The following CPED1 variants were observed in gnomAD, a reference collection of about 807,000 sequenced individuals.
The protein encoded by CPED1 is cadherin-like and PC-esterase domain-containing protein 1.
Under a neutral mutation model 128.2 loss-of-function variants are expected in CPED1, and 114 were observed. The ratio of observed to expected loss-of-function variants is 0.89; its 90% CI spans 0.76 to 1.04. The LOEUF is 1.04. Ranked by LOEUF, CPED1 falls within the 50% of genes least tolerant of loss-of-function variation. CPED1 has a pLI of 0.00. For missense variants in CPED1, 1,211 were observed against 1,207.1 expected (o/e 1.00, Z -0.05); for synonymous variants, 462 against 426.7 (o/e 1.08, Z -1.02).
chr7:121,161,034 A>G (rs1463471838), intron 16 of CPED1, among the ~76,000 whole-genome samples: 4 of 152,108 alleles, frequency 2.6e-5, no homozygotes, highest in Non-Finnish European at 5.9e-5. Context: ...TTATGAGGGA[A>G]CGGACCCCAT....
chr7:121,201,348 C>T (rs1290133106), intron 16 of CPED1, among the ~76,000 whole-genome samples: 1 of 151,972 alleles, frequency 6.6e-6, no homozygotes, highest in African/African-American at 2.4e-5. Context: ...AGGAGAATTG[C>T]TTGGACCTAG....
At chr7:121,184,267 T>C (rs149368400) in intron 16 of CPED1, among the ~76,000 whole-genome samples, 1 of 152,302 alleles carries the variant, frequency 6.6e-6, no homozygotes, top group East Asian at 1.9e-4. Flanking sequence ...TTTAAGTGAT[T>C]CCTCTAATAA....
intron 16 of CPED1, among the ~76,000 whole-genome samples, chr7:121,174,923 T>C (rs1221510678): frequency 2.0e-5 from 3 of 152,090 alleles, no homozygotes; most frequent in Non-Finnish European, 4.4e-5. Flanking sequence ...GTGATTCTCA[T>C]TGTAGAGATC....
Position 121,128,455 on chromosome 7 carries a change from AGGAACTT to A in CPED1, c.1381_1387del (p.Leu461ValfsTer19), listed in dbSNP as rs1795563370. On this transcript the variant is annotated frameshift_variant, in exon 11 of 23. Coordinates refer to ENST00000310396, the MANE Select transcript of CPED1 (RefSeq NM_024913.5). LOFTEE classifies it high-confidence loss of function. Reference sequence around the variant, plus strand: ...ATTAACTCAATTATGACTTTCATAAAGGAACTTGGAAGTCTGGGACAATTCCAACTGG... The same window carrying A: ...ATTAACTCAATTATGACTTTCATAAAGGAAGTCTGGGACAATTCCAACTGG... 1.9e-6 allele frequency: 3 copies of A among 1,597,316 alleles called. No homozygotes were observed. The highest frequency in any genetic ancestry group is 1.7e-6 in the Non-Finnish European group (2 of 1,165,004).
intron 16 of CPED1, among the ~76,000 whole-genome samples, chr7:121,174,753 C>T (rs544839439): frequency 6.6e-6 from 1 of 151,954 alleles, no homozygotes; most frequent in Non-Finnish European, 1.5e-5. Context: ...TTTTCTAGTT[C>T]TATGAAGAAT....
At chr7:121,113,577 A>G (rs926252377) in intron 7 of CPED1, among the ~76,000 whole-genome samples, 1 of 152,210 alleles carries the variant, frequency 6.6e-6, no homozygotes, top group African/African-American at 2.4e-5. Flanking sequence ...TTGGAACTAT[A>G]AACTGCCTTA....
chr7:121,206,251 A>G (rs1469667813), intron 16 of CPED1, among the ~76,000 whole-genome samples: 2 of 152,078 alleles, frequency 1.3e-5, no homozygotes, highest in African/African-American at 4.8e-5. Flanking sequence ...TGGGTAATTA[A>G]GAAACTTTGA....
chr7:121,238,694 C>T (rs985955540), intron 17 of CPED1, among the ~76,000 whole-genome samples: 1 of 150,866 alleles, frequency 6.6e-6, no homozygotes, highest in Admixed American at 6.6e-5. Flanking sequence ...TTATATTTTA[C>T]CTGATCATTT....
chr7:121,290,514 T>C (rs1792677087), intron 22 of CPED1, among the ~76,000 whole-genome samples: 1 of 152,218 alleles, frequency 6.6e-6, no homozygotes. Context: ...TGGCATGAGA[T>C]GGTATCTCAT....
intron 22 of CPED1, among the ~76,000 whole-genome samples, chr7:121,294,806 C>CAAAA (rs752742828): frequency 1.6e-5 from 1 of 61,418 alleles, no homozygotes; most frequent in South Asian, 5.5e-4. Context: ...GCCTTCTAAG[C>CAAAA]AAAAAAAAAA....
Position 120,989,448 on chromosome 7 carries a change from C to T in CPED1, c.-174C>T, listed in dbSNP as rs1361224750. 5.6e-6 allele frequency: 4 copies of T among 711,848 alleles called. No individual in the cohort carries two copies. The highest frequency in any genetic ancestry group is 9.1e-6 in the Non-Finnish European group (4 of 437,196). The allele number at this position is 711,848 out of a possible 1,614,324, so 44.1% of individuals were successfully genotyped here. ...GCTCTTATTAAAAGCCTCAGACTTT[C>T]GGGACCTATGATTCTTTGGCACAAC... On this transcript the variant is annotated 5_prime_UTR_variant, in exon 2 of 23. Transcript: ENST00000310396.
intron 16 of CPED1, among the ~76,000 whole-genome samples, chr7:121,173,656 A>G (rs1438130360): frequency 6.6e-6 from 1 of 152,100 alleles, no homozygotes; most frequent in African/African-American, 2.4e-5. Context: ...AGTGGACTCC[A>G]TGTCATTGCT....
chr7:121,288,102 G>C (rs929052534), intron 22 of CPED1, among the ~76,000 whole-genome samples: 2 of 152,044 alleles, frequency 1.3e-5, no homozygotes, highest in African/African-American at 4.8e-5. Flanking sequence ...GAAATAAATT[G>C]TATGGGCTAG....
Position 121,271,424 on chromosome 7 carries a change from C to G in CPED1, c.2862C>G (p.Phe954Leu). ...TACAGGGGAAGTGTGGATGTCATTTCCATGAGGTATTTATGCTGGCTATCT... is the reference window on the plus strand; with the variant it reads ...TACAGGGGAAGTGTGGATGTCATTTGCATGAGGTATTTATGCTGGCTATCT... Reference protein sequence around the residue: ...EFLQGKCGCHFHEVVKSKLSK... With the variant: ...EFLQGKCGCHLHEVVKSKLSK... Residue 954 changes from phenylalanine (F) to leucine (L), a missense_variant, in exon 22 of 23, where the codon TTC becomes TTG. By Grantham distance (22) the Phe-to-Leu change is conservative. Transcript: ENST00000310396. 6.2e-7 allele frequency: 1 copy of G among 1,612,026 alleles called. No individual in the cohort carries two copies. Among genetic ancestry groups the G allele is most frequent in the Non-Finnish European group, 8.5e-7 (1 of 1,178,818 alleles).
At chr7:121,281,397 G>C (rs2116772656) in intron 22 of CPED1, among the ~76,000 whole-genome samples, 1 of 152,188 alleles carries the variant, frequency 6.6e-6, no homozygotes, top group East Asian at 1.9e-4. Flanking sequence ...ACAATTTTTT[G>C]TTCGTTTGGG....
At chr7:121,166,241 C>T (rs1178407035) in intron 16 of CPED1, among the ~76,000 whole-genome samples, 1 of 152,078 alleles carries the variant, frequency 6.6e-6, no homozygotes, top group African/African-American at 2.4e-5. Context: ...CTAGCTTTAT[C>T]GCTTATTACC....
At chr7:121,030,960 G>C (rs996327845) in intron 3 of CPED1, among the ~76,000 whole-genome samples, 2 of 152,126 alleles carry the variant, frequency 1.3e-5, no homozygotes, top group Admixed American at 1.3e-4. Context: ...ATGAATTGAG[G>C]TTTAGGCAGT....
At chr7:121,123,494 T>C (rs1410810573) in intron 7 of CPED1, among the ~76,000 whole-genome samples, 1 of 152,232 alleles carries the variant, frequency 6.6e-6, no homozygotes, top group Non-Finnish European at 1.5e-5. Context: ...AGAGTATGTT[T>C]ATCCAGAGAA....
chr7:121,186,028 A>T (rs953820385), intron 16 of CPED1, among the ~76,000 whole-genome samples: 2 of 152,144 alleles, frequency 1.3e-5, no homozygotes, highest in East Asian at 1.9e-4. Flanking sequence ...TATTATAATA[A>T]TTTTTTTCCA....
Sources: gnomAD v4.1 joint callset for allele counts (sites outside exome capture counted in the v4.1 genomes callset) on GRCh38, gnomAD v4.1.1 for gene constraint, MANE v1.5 for transcripts, NCBI Gene and HGNC (gene_info 2026-07-23, HGNC 2026-07-21) for gene names.